Variants in TCERG1L observed in about 807,000 individuals in gnomAD.
The protein encoded by TCERG1L is transcription elongation regulator 1-like protein.
Under a neutral mutation model 56.3 loss-of-function variants are expected in TCERG1L, and 37 were observed. The ratio of observed to expected loss-of-function variants is 0.66; its 90% CI spans 0.51 to 0.87. The LOEUF (loss-of-function observed/expected upper bound fraction) is 0.87. Ranked by LOEUF, TCERG1L falls within the 40% of genes least tolerant of loss-of-function variation. TCERG1L has a pLI of 0.00. For missense variants in TCERG1L, 799 were observed against 774.2 expected, an observed-to-expected ratio of 1.03 and a Z score of -0.38; for synonymous variants, 324 against 326.3, an observed-to-expected ratio of 0.99 and a Z score of 0.08.
At position 131,191,151 on chromosome 10, in the gene TCERG1L, A is replaced by G. The variant is rs921153090; in HGVS notation, c.857-24266T>C. ...AACAAAAACAAACAAACAAACAAAA[A>G]ACCCTAGGAATATACTTCATCCAGG... is the stretch of plus-strand genomic sequence containing the variant. On this transcript the variant is annotated intron_variant, in intron 4 of 11. Transcript: ENST00000368642. Among the ~76,000 whole-genome samples the G allele has an allele frequency of 4.2e-5, 6 of 144,140 alleles. 2 individuals carry two copies. The highest frequency in any genetic ancestry group is 7.6e-5 in the Non-Finnish European group (5 of 65,394). 94.6% of individuals were successfully genotyped at this position (144,140 alleles called of 152,430 possible).
intron 3 of TCERG1L, among the ~76,000 whole-genome samples, chr10:131,285,245 GCTCATGCCTGTAAT>G (rs1444052258): frequency 6.6e-6 from 1 of 151,888 alleles, no homozygotes; most frequent in African/African-American, 2.4e-5. Flanking sequence ...AGGTGTGGTG[GCTCATGCCTGTAAT>G]CTCAGCTACT....
At chr10:131,165,418 A>G (rs1846020751) in intron 5 of TCERG1L, among the ~76,000 whole-genome samples, 1 of 152,236 alleles carries the variant, frequency 6.6e-6, no homozygotes, top group African/African-American at 2.4e-5. Context: ...TGTAATGTAT[A>G]TTATAACATT....
At chr10:131,292,576 T>C (rs1228385258) in intron 3 of TCERG1L, among the ~76,000 whole-genome samples, 1 of 152,226 alleles carries the variant, frequency 6.6e-6, no homozygotes, top group Non-Finnish European at 1.5e-5. Context: ...CCGTATTCCA[T>C]GTTTGGAAAC....
chr10:131,179,840 C>T (rs1845151585), intron 4 of TCERG1L, among the ~76,000 whole-genome samples: 1 of 152,192 alleles, frequency 6.6e-6, no homozygotes, highest in Admixed American at 6.5e-5. Flanking sequence ...CAGGCACCCC[C>T]TGATTCCCCG....
chr10:131,245,426 A>C (rs1846021464), intron 4 of TCERG1L, among the ~76,000 whole-genome samples: 1 of 152,080 alleles, frequency 6.6e-6, no homozygotes, highest in Admixed American at 6.5e-5. Context: ...TTTTTAAAAA[A>C]ACTGAGAAGT....
rs191389109 is a variant in TCERG1L, at chr10:131,158,837, T to G, written c.1034+4285A>C. On this transcript the variant is annotated intron_variant, in intron 6 of 11. Coordinates refer to ENST00000368642, the MANE Select transcript of TCERG1L (RefSeq NM_174937.4). Reference sequence around the variant, plus strand: ...AGACAGAAGGAGATTCCCTGAGACATGGGGAGCGAGCTCTGGGCTTGGCCG... The same window carrying G: ...AGACAGAAGGAGATTCCCTGAGACAGGGGGAGCGAGCTCTGGGCTTGGCCG... Among the ~76,000 whole-genome samples the G allele has an allele frequency of 1.5e-3, 227 of 152,298 alleles. 1 individual carries two copies. Among genetic ancestry groups the G allele is most frequent in the African/African-American group, 5.1e-3 (213 of 41,576 alleles).
intron 5 of TCERG1L, among the ~76,000 whole-genome samples, chr10:131,164,355 C>A (rs951399497): frequency 2.0e-5 from 3 of 152,100 alleles, no homozygotes; most frequent in Non-Finnish European, 2.9e-5. Context: ...TTCAGATGAA[C>A]TCCTTTAGCC....
At chr10:131,258,379 G>C (rs1466093739) in intron 4 of TCERG1L, among the ~76,000 whole-genome samples, 1 of 152,188 alleles carries the variant, frequency 6.6e-6, no homozygotes, top group Non-Finnish European at 1.5e-5. Flanking sequence ...TGACAGCCTT[G>C]CCCCGAGTCC....
Position 131,309,260 on chromosome 10 carries a change from G to A in TCERG1L, c.382C>T (p.Pro128Ser), listed in dbSNP as rs766095745. The stretch of plus-strand genomic sequence containing the variant: ...GGCACCAGCTCCACTGTGGAAGAGG[G>A]GGGCAGTCCTAGGGACGGAGAATGG... ...GGHSPSLGLP[P>S]SSTVELVPVF... Residue 128 changes from proline to serine, a missense_variant, in exon 2 of 12, where the codon CCC becomes TCC. Physicochemically the swap from Pro to Ser is moderately conservative, Grantham distance 74. Coordinates refer to ENST00000368642, the MANE Select transcript of TCERG1L (RefSeq NM_174937.4). 23 of 1,604,450 alleles carry A rather than the reference G, an allele frequency of 1.4e-5. 1 individual carries two copies. Among genetic ancestry groups the A allele is most frequent in the Non-Finnish European group, 2.0e-5 (23 of 1,176,752 alleles).
chr10:131,274,032 G>T (rs1004460920), intron 3 of TCERG1L, among the ~76,000 whole-genome samples: 1 of 152,108 alleles, frequency 6.6e-6, no homozygotes, highest in African/African-American at 2.4e-5. Context: ...GTTGAGAGAG[G>T]AACGGGGCCT....
chr10:131,260,359 G>A lies in TCERG1L; in HGVS notation c.756C>T (p.Asp252=), dbSNP rs138987558. The A allele has an allele frequency of 6.7e-7, 1 of 1,497,344 alleles. No individual in the cohort carries two copies. Among genetic ancestry groups the A allele is most frequent in the Non-Finnish European group, 8.8e-7 (1 of 1,133,382 alleles). 92.8% of individuals were successfully genotyped at this position (1,497,344 alleles called of 1,614,324 possible). A position where few individuals can be genotyped will look rare whatever the true frequency, so the allele number is the denominator to read the frequency against. Residue 252 remains aspartate (D), a synonymous_variant, in exon 4 of 12, where the codon GAC becomes GAT. Transcript: ENST00000368642. The surrounding 1 kb of genome is among the most constrained non-coding windows in gnomAD (Gnocchi z 5.8). ...TAAAAAMVSV[D]PENLRGPSPS... ...GGGACGGGCCCCGGAGGTTCTCAGG[G>A]TCCACGGAGACCATGGCAGCGGCGG...
chr10:131,123,670 C>A (rs1845535554), intron 8 of TCERG1L, among the ~76,000 whole-genome samples: 1 of 152,058 alleles, frequency 6.6e-6, no homozygotes, highest in African/African-American at 2.4e-5. Context: ...TGCCCTGAGT[C>A]CTGACTTAGC....
chr10:131,294,591 G>A (rs557048159), intron 3 of TCERG1L, among the ~76,000 whole-genome samples: 1 of 152,152 alleles, frequency 6.6e-6, no homozygotes, highest in African/African-American at 2.4e-5. Context: ...CCCACGCCAG[G>A]ATTATTCTAA....
chr10:131,177,467 G>C (rs1157742482), intron 4 of TCERG1L, among the ~76,000 whole-genome samples: 1 of 152,252 alleles, frequency 6.6e-6, no homozygotes, highest in Non-Finnish European at 1.5e-5. Context: ...ACTTTTTCTA[G>C]AGGTGACATC....
chr10:131,159,880 A>T (rs899451421), intron 6 of TCERG1L, among the ~76,000 whole-genome samples: 3 of 152,098 alleles, frequency 2.0e-5, no homozygotes, highest in African/African-American at 7.2e-5. Context: ...TCACTCTGCA[A>T]TGTCGAAGGT....
At chr10:131,277,163 G>A (rs936668858) in intron 3 of TCERG1L, among the ~76,000 whole-genome samples, 2 of 152,162 alleles carry the variant, frequency 1.3e-5, no homozygotes, top group African/African-American at 4.8e-5. Flanking sequence ...AGCAGAGACC[G>A]GGCTTGGGAG....
At chr10:131,225,523 T>C (rs1038698354) in intron 4 of TCERG1L, among the ~76,000 whole-genome samples, 4 of 152,196 alleles carry the variant, frequency 2.6e-5, no homozygotes, top group Admixed American at 2.0e-4. Flanking sequence ...TCCACATTTC[T>C]GGATTCATCT....
chr10:131,260,549 G>T lies in TCERG1L; in HGVS notation c.671-105C>A, dbSNP rs944926910. On this transcript the variant is annotated intron_variant, in intron 3 of 11. Coordinates refer to ENST00000368642, the MANE Select transcript of TCERG1L (RefSeq NM_174937.4). This position sits in a 1 kb window ranked among gnomAD's most constrained non-coding sequence, Gnocchi z 5.8. ...ATATCAGCCCCCAGAAAACAGGTGAGGGGGGCGCTACCCCTCTTTAATGGA... is the reference window on the plus strand; with the variant it reads ...ATATCAGCCCCCAGAAAACAGGTGATGGGGGCGCTACCCCTCTTTAATGGA... 1 of 1,274,586 alleles carries T rather than the reference G, an allele frequency of 7.8e-7. No homozygotes were observed. 79.0% of individuals were successfully genotyped at this position (1,274,586 alleles called of 1,614,324 possible).
chr10:131,179,023 C>G (rs1413713767), intron 4 of TCERG1L, among the ~76,000 whole-genome samples: 1 of 152,252 alleles, frequency 6.6e-6, no homozygotes, highest in African/African-American at 2.4e-5. Flanking sequence ...GGCACCAGCC[C>G]AGCCTCCAGC....
Sources: allele counts gnomAD v4.1 joint callset (sites outside exome capture counted in the v4.1 genomes callset), GRCh38; gene constraint gnomAD v4.1.1; non-coding constraint Gnocchi (gnomAD v3.1); transcripts MANE v1.5; gene names NCBI Gene and HGNC (gene_info 2026-07-23, HGNC 2026-07-21).